TMEM114: variants seen among roughly 807,000 people sequenced by gnomAD.
TMEM114 encodes transmembrane protein 114, also known as claudin-26.
Under a neutral mutation model 6.2 loss-of-function variants are expected in TMEM114, and 6 were observed. The observed-to-expected ratio is 0.97, with a 90% CI of 0.53 to 1.91. The LOEUF (loss-of-function observed/expected upper bound fraction) is 1.91. TMEM114 is among the 40% of genes most tolerant of loss of function. The pLI is 0.01. For missense variants in TMEM114, 218 were observed against 158.3 expected, an observed-to-expected ratio of 1.38 and a Z score of -2.02; for synonymous variants, 104 against 73.0, an observed-to-expected ratio of 1.42 and a Z score of -2.16.
the TMEM114 span, among the ~76,000 whole-genome samples, chr16:8,528,497 G>A: frequency 2.0e-5 from 3 of 152,128 alleles, no homozygotes; most frequent in Non-Finnish European, 4.4e-5. Flanking sequence ...CACACCAAGG[G>A]GGAGCATCTC....
downstream of TMEM114, among the ~76,000 whole-genome samples, chr16:8,533,316 G>A (rs971483312): frequency 1.6e-4 from 24 of 152,194 alleles, no homozygotes; most frequent in Admixed American, 9.2e-4. Context: ...GAAGCCAGCC[G>A]TGGGAAGATC....
At chr16:8,584,392 A>G (rs904354983) in intron 2 of TMEM114, among the ~76,000 whole-genome samples, 2 of 152,186 alleles carry the variant, frequency 1.3e-5, no homozygotes, top group African/African-American at 4.8e-5. Context: ...TCCAGTCCCT[A>G]GCCCAAGAAA....
intron 2 of TMEM114, among the ~76,000 whole-genome samples, chr16:8,545,809 C>T (rs553874451): frequency 6.6e-6 from 1 of 152,078 alleles, no homozygotes; most frequent in African/African-American, 2.4e-5. Context: ...ATTCTCAAAC[C>T]TTTGATTTCA....
At chr16:8,578,401 C>T (rs1031019866) in intron 2 of TMEM114, among the ~76,000 whole-genome samples, 3 of 151,972 alleles carry the variant, frequency 2.0e-5, no homozygotes, top group Non-Finnish European at 2.9e-5. Context: ...TCACTCCAAT[C>T]CCTACCTCCA....
At chr16:8,536,326 G>A (rs917543067), downstream of TMEM114, among the ~76,000 whole-genome samples, 4 of 151,958 alleles carry the variant, frequency 2.6e-5, no homozygotes, top group Non-Finnish European at 5.9e-5. Flanking sequence ...GTACTTGCAT[G>A]TTTTGAAAGC....
At chr16:8,565,927 G>T (rs930997725), downstream of TMEM114, among the ~76,000 whole-genome samples, 1 of 152,164 alleles carries the variant, frequency 6.6e-6, no homozygotes, top group Non-Finnish European at 1.5e-5. Context: ...TGTCTTAAAG[G>T]CATATCACTC....
chr16:8,566,060 G>A (rs910019440), downstream of TMEM114, among the ~76,000 whole-genome samples: 3 of 152,080 alleles, frequency 2.0e-5, no homozygotes, highest in Admixed American at 6.6e-5. Flanking sequence ...ATTAAAATAC[G>A]GCAGGACAGA....
chr16:8,557,010 T>C (rs1156407651), intron 2 of TMEM114, among the ~76,000 whole-genome samples: 1 of 152,012 alleles, frequency 6.6e-6, no homozygotes, highest in Non-Finnish European at 1.5e-5. Context: ...GTGTCTGAGA[T>C]CCCATGGAAG....
At chr16:8,563,727 C>G (rs369346545) in intron 2 of TMEM114, among the ~76,000 whole-genome samples, 805 of 107,390 alleles carry the variant, frequency 7.5e-3, no homozygotes, top group Middle Eastern at 0.014. Context: ...GTGAATGAGT[C>G]AGTGAGTGAA....
chr16:8,545,073 A>T (rs1472202463), intron 2 of TMEM114, among the ~76,000 whole-genome samples: 2 of 152,098 alleles, frequency 1.3e-5, no homozygotes, highest in Non-Finnish European at 2.9e-5. Flanking sequence ...CTTTTGTTTC[A>T]TCAGGCCTAT....
intron 1 of TMEM114, 83 bp downstream of exon 1, chr16:8,589,536 C>G (rs1446980784): frequency 2.5e-6 from 1 of 398,334 alleles, no homozygotes; most frequent in South Asian, 1.3e-4. Flanking sequence ...GGAGTGCGCG[C>G]CAAGCAACAG....
At chr16:8,586,010 A>C (rs1052552764) in intron 2 of TMEM114, among the ~76,000 whole-genome samples, 8 of 152,208 alleles carry the variant, frequency 5.3e-5, no homozygotes, top group African/African-American at 1.9e-4. Flanking sequence ...ATCCTGAAAC[A>C]AGCATGGTTG....
At chr16:8,549,023 A>G (rs1485707898) in intron 2 of TMEM114, among the ~76,000 whole-genome samples, 2 of 151,946 alleles carry the variant, frequency 1.3e-5, no homozygotes, top group Non-Finnish European at 2.9e-5. Context: ...TCTACTAAAA[A>G]TACAAAGATT....
rs141257713 is a variant in TMEM114, at chr16:8,548,266, A to T, written n.213-10440T>A. On this transcript the variant is annotated intron_variant and non_coding_transcript_variant, in intron 2 of 2. Coordinates refer to the TMEM114 transcript ENST00000623677. Reference sequence around the variant, plus strand: ...GACATAATATGAGTTCCTGCCTCTCAGGGTTGCTGTGAAATGATTCATTTG... The same window carrying T: ...GACATAATATGAGTTCCTGCCTCTCTGGGTTGCTGTGAAATGATTCATTTG... Among the ~76,000 whole-genome samples, 63 of 152,274 alleles carry T rather than the reference A, an allele frequency of 4.1e-4. No homozygotes were observed. The East Asian group carries it at 0.012, about 28-fold the overall frequency.
intron 2 of TMEM114, among the ~76,000 whole-genome samples, chr16:8,578,577 G>A (rs909330790): frequency 1.3e-5 from 2 of 152,182 alleles, no homozygotes; most frequent in African/African-American, 4.8e-5. Context: ...TAGTACATGA[G>A]CATATCTTTT....
downstream of TMEM114, chr16:8,569,390 G>T (rs779106712): frequency 3.0e-6 from 3 of 998,194 alleles, no homozygotes; most frequent in Non-Finnish European, 3.6e-6. Flanking sequence ...AGGAGGTAGG[G>T]CACCCTCTCC....
At chr16:8,534,090 T>C (rs1366698285), downstream of TMEM114, among the ~76,000 whole-genome samples, 1 of 152,220 alleles carries the variant, frequency 6.6e-6, no homozygotes, top group African/African-American at 2.4e-5. Context: ...AGCCTTGCCA[T>C]GAGAGCAAGT....
chr16:8,561,847 A>C (rs1205836256), intron 2 of TMEM114, among the ~76,000 whole-genome samples: 1 of 149,136 alleles, frequency 6.7e-6, no homozygotes, highest in African/African-American at 2.5e-5. Context: ...TGAGTGAGTG[A>C]ATGAATGAGT....
At chr16:8,553,404 C>A (rs1174872304) in intron 2 of TMEM114, among the ~76,000 whole-genome samples, 2 of 152,098 alleles carry the variant, frequency 1.3e-5, no homozygotes, top group Non-Finnish European at 2.9e-5. Context: ...GGACTTGAAT[C>A]TTTTTTTGGG....
Sources: allele counts gnomAD v4.1 joint callset (sites outside exome capture counted in the v4.1 genomes callset), GRCh38; gene constraint gnomAD v4.1.1; transcripts MANE v1.5; gene names NCBI Gene and HGNC (gene_info 2026-07-23, HGNC 2026-07-21).